Variants in ABCA12 observed in about 807,000 individuals in gnomAD.
ABCA12 encodes the protein glucosylceramide transporter ABCA12.
A neutral mutation model predicts 293.5 loss-of-function variants in ABCA12; 156 were observed. The ratio of observed to expected loss-of-function variants is 0.53; its 90% CI spans 0.47 to 0.61. The LOEUF is 0.61. Ranked by LOEUF, ABCA12 falls within the 20% of genes least tolerant of loss-of-function variation. ABCA12 has a pLI of 0.00. For synonymous variants in ABCA12, 1,063 were observed against 1,108.0 expected, an observed-to-expected ratio of 0.96 and a Z score of 0.81; for missense variants, 2,797 against 3,090.2, an observed-to-expected ratio of 0.91 and a Z score of 2.25.
At chr2:214,987,853 G>T in intron 26 of ABCA12, 60 bp from the exon 27 acceptor site, 1 of 1,579,204 alleles carries the variant, frequency 6.3e-7, no homozygotes, top group South Asian at 1.1e-5. Context: ...TTTATCATCA[G>T]AAACAAAACA....
At chr2:215,110,266 T>C (rs944269970) in intron 2 of ABCA12, among the ~76,000 whole-genome samples, 18 of 152,308 alleles carry the variant, frequency 1.2e-4, no homozygotes, top group Admixed American at 4.6e-4. Flanking sequence ...ATCCCAGCAC[T>C]TTGGGAGGCC....
chr2:215,128,543 C>G (rs1191743246), intron 1 of ABCA12, among the ~76,000 whole-genome samples: 2 of 147,468 alleles, frequency 1.4e-5, no homozygotes, highest in African/African-American at 5.3e-5. Context: ...ATTCTAAGAC[C>G]TTGTCTTTGA....
In ABCA12 at chr2:215,054,682, A is replaced by C. The variant is rs777945061; in HGVS notation, c.318-18T>G. ...GAATCTCACTAGAGAAGAAAAAGCAAGAACTCTGTAACTTCTCCCACATTA... is the reference window on the plus strand; with the variant it reads ...GAATCTCACTAGAGAAGAAAAAGCACGAACTCTGTAACTTCTCCCACATTA... On this transcript the variant is annotated intron_variant, in intron 3 of 52. Coordinates refer to ENST00000272895, the MANE Select transcript of ABCA12 (RefSeq NM_173076.3). The C allele has an allele frequency of 1.9e-6, 3 of 1,583,112 alleles. No individual in the cohort carries two copies. In the South Asian group the frequency reaches 3.3e-5, roughly 17 times the overall value.
At chr2:215,060,026 C>T (rs1373086534) in intron 3 of ABCA12, among the ~76,000 whole-genome samples, 1 of 151,984 alleles carries the variant, frequency 6.6e-6, no homozygotes, top group Non-Finnish European at 1.5e-5. Flanking sequence ...TGGCATCTGC[C>T]CACCCACACT....
At chr2:214,997,182 T>A (rs1468185766) in intron 23 of ABCA12, among the ~76,000 whole-genome samples, 1 of 152,198 alleles carries the variant, frequency 6.6e-6, no homozygotes, top group Non-Finnish European at 1.5e-5. Context: ...TTAGTTTCTA[T>A]AAGTCAGGAG....
chr2:215,092,819 T>G (rs1702174773), intron 2 of ABCA12, among the ~76,000 whole-genome samples: 1 of 152,190 alleles, frequency 6.6e-6, no homozygotes, highest in Non-Finnish European at 1.5e-5. Flanking sequence ...AACCCATTAT[T>G]CTGTTATGGA....
chr2:214,963,605 CAAAAAAAAAAAAA>C (rs57895778), intron 39 of ABCA12, among the ~76,000 whole-genome samples: 2 of 70,184 alleles, frequency 2.8e-5, no homozygotes, highest in South Asian at 1.2e-3. Context: ...GCAGAGATAC[CAAAAAAAAAAAAA>C]AAAAAAAAAA....
chr2:215,101,740 T>G (rs1702361291), intron 2 of ABCA12, among the ~76,000 whole-genome samples: 1 of 152,094 alleles, frequency 6.6e-6, no homozygotes, highest in South Asian at 2.1e-4. Flanking sequence ...AAATCTGCAT[T>G]TAAAAAATCT....
At chr2:215,048,250 C>T (rs1336368241) in intron 6 of ABCA12, among the ~76,000 whole-genome samples, 2 of 152,076 alleles carry the variant, frequency 1.3e-5, no homozygotes, top group African/African-American at 2.4e-5. Context: ...TTGTGGAAAA[C>T]AGTGTGGTGA....
chr2:215,057,085 G>A (rs1307542684), intron 3 of ABCA12, among the ~76,000 whole-genome samples: 1 of 151,948 alleles, frequency 6.6e-6, no homozygotes, highest in Admixed American at 6.6e-5. Flanking sequence ...ACATAGTATA[G>A]GACCATAAGA....
At chr2:214,974,222 T>C (rs1026568481) in intron 35 of ABCA12, among the ~76,000 whole-genome samples, 180 bp from the exon 36 acceptor site, 1 of 152,206 alleles carries the variant, frequency 6.6e-6, no homozygotes, top group African/African-American at 2.4e-5. Flanking sequence ...TGACGTTTTG[T>C]GATGGGGGAC....
intron 3 of ABCA12, among the ~76,000 whole-genome samples, chr2:215,058,106 C>T (rs1701455193): frequency 6.6e-6 from 1 of 152,028 alleles, no homozygotes; most frequent in Admixed American, 6.6e-5. Context: ...TATCCTTACT[C>T]ACATCCTTAA....
rs267599198 is a variant in ABCA12 at position 214,953,876 on chromosome 2, C to T, written c.6625G>A (p.Glu2209Lys). The change falls in exon 44 of 53, where the codon GAA becomes AAA. Residue 2209 changes from glutamate to lysine, a missense_variant. Around this residue, in one of 3 missense-constraint regions of ABCA12, gnomAD observed 2,130 missense variants for 2,427.0 expected, o/e 0.88. Transcript: ENST00000272895. ...MFFSLRLLINESLIKKLRLFF... is the reference protein window; with the variant it reads ...MFFSLRLLINKSLIKKLRLFF... Reference sequence around the variant, plus strand: ...TACCTGAGTTTCTTTATCAGGGATTCGTTGATTAAGAGTCGCAAGGAAAAA... The same window carrying T: ...TACCTGAGTTTCTTTATCAGGGATTTGTTGATTAAGAGTCGCAAGGAAAAA... 38 of 1,613,788 alleles carry T rather than the reference C, an allele frequency of 2.4e-5. 1 individual carries two copies. Among genetic ancestry groups the T allele is most frequent in the Middle Eastern group, 3.3e-4 (2 of 6,058 alleles).
At chr2:215,105,578 G>GACACACAC (rs747604210) in intron 2 of ABCA12, among the ~76,000 whole-genome samples, 11 of 142,728 alleles carry the variant, frequency 7.7e-5, no homozygotes, top group African/African-American at 2.9e-4. Context: ...AGGGCTTCAA[G>GACACACAC]ACACACACAC....
intron 15 of ABCA12, 107 bp downstream of exon 15, chr2:215,015,383 C>T: frequency 8.6e-7 from 1 of 1,168,976 alleles, no homozygotes; most frequent in Non-Finnish European, 1.2e-6. Context: ...ATTCCAAAAG[C>T]CGAATAAATG....
chr2:215,111,699 T>C lies in ABCA12; in HGVS notation c.70-9A>G, dbSNP rs372209510. ...AAGACAAGTGTCCAAAGCTGCAAAATAATGGTAGAAAAAATTGTTAGTTTT... is the reference window on the plus strand; with the variant it reads ...AAGACAAGTGTCCAAAGCTGCAAAACAATGGTAGAAAAAATTGTTAGTTTT... On this transcript the variant is annotated splice_polypyrimidine_tract_variant and intron_variant, in intron 1 of 52. Transcript: ENST00000272895. 9 of 1,605,442 alleles carry C rather than the reference T, an allele frequency of 5.6e-6. No homozygotes were observed. Among genetic ancestry groups the C allele is most frequent in the Admixed American group, 5.0e-5 (3 of 59,818 alleles).
rs548563586 is a variant in ABCA12 at position 215,136,283 on chromosome 2, C to T, written c.69+1857G>A. Among the ~76,000 whole-genome samples the T allele has an allele frequency of 1.0e-3, 159 of 152,282 alleles. 2 individuals carry two copies. In the South Asian group the frequency reaches 0.016, roughly 15 times the overall value. On this transcript the variant is annotated intron_variant, in intron 1 of 52. Coordinates refer to ENST00000272895, the MANE Select transcript of ABCA12 (RefSeq NM_173076.3). ...TGAAAAACTTTTAATATCTGACTTA[C>T]ATCTCCCCTAAATATTTCACCATGT...
chr2:215,015,574 C>T lies in ABCA12; in HGVS notation c.1872G>A (p.Leu624=), dbSNP rs760603677. The change falls in exon 15 of 53, where the codon CTG becomes CTA. Residue 624 remains leucine (L), a synonymous_variant. Transcript: ENST00000272895. Reference sequence around the variant, plus strand: ...ACTGCCGGGATCTCTCTGAAAGAGACAGGTTGCAGAATTCTTTCATTGCAT... The same window carrying T: ...ACTGCCGGGATCTCTCTGAAAGAGATAGGTTGCAGAATTCTTTCATTGCAT... The part of the protein sequence containing the change: ...LEDAMKEFCN[L]SLSERSRQSY... 29 of 1,613,964 alleles carry T rather than the reference C, an allele frequency of 1.8e-5. 1 individual carries two copies. In the South Asian group the frequency reaches 3.1e-4, roughly 17 times the overall value.
chr2:214,966,391 TTAAAA>T (rs761388946), intron 39 of ABCA12, among the ~76,000 whole-genome samples: 30 of 152,150 alleles, frequency 2.0e-4, no homozygotes, highest in African/African-American at 3.4e-4. Flanking sequence ...ACCCCTGAAC[TTAAAA>T]TAAAAGTTGA....
Sources: gnomAD v4.1 joint callset for allele counts (sites outside exome capture counted in the v4.1 genomes callset) on GRCh38, gnomAD v4.1.1 for gene constraint, gnomAD v4.1.1 regional missense constraint, MANE v1.5 for transcripts, NCBI Gene and HGNC (gene_info 2026-07-23, HGNC 2026-07-21) for gene names.